CUL2: variants seen among roughly 807,000 people sequenced by gnomAD.
CUL2 encodes cullin-2.
In CUL2, 22 loss-of-function variants were observed where a neutral mutation model predicts 110.2. The ratio of observed to expected loss-of-function variants is 0.20; its 90% CI spans 0.14 to 0.28. CUL2 has a LOEUF of 0.28. Among genes scored for constraint, CUL2 ranks in the 10% least tolerant of loss-of-function variants. The pLI is 1.00. For missense variants in CUL2, 631 were observed against 905.5 expected (o/e 0.70, Z 3.89); for synonymous variants, 279 against 293.2 (o/e 0.95, Z 0.49).
chr10:35,077,625 C>T (rs2086851766), intron 1 of CUL2, among the ~76,000 whole-genome samples: 1 of 151,878 alleles, frequency 6.6e-6, no homozygotes, highest in Non-Finnish European at 1.5e-5. Context: ...CAAGACCAGC[C>T]TGACCAACAT....
At chr10:35,101,362 T>C (rs1487917556) in intron 1 of CUL2, among the ~76,000 whole-genome samples, 1 of 152,224 alleles carries the variant, frequency 6.6e-6, no homozygotes, top group Non-Finnish European at 1.5e-5. Flanking sequence ...GTAGAAAATG[T>C]GGAGACCACA....
intron 16 of CUL2, among the ~76,000 whole-genome samples, chr10:35,026,824 T>C (rs923105326): frequency 6.6e-6 from 1 of 152,050 alleles, no homozygotes; most frequent in South Asian, 2.1e-4. Context: ...TAAACTTATT[T>C]TATTTTTTTA....
intron 4 of CUL2, among the ~76,000 whole-genome samples, chr10:35,057,476 C>T (rs1165217295): frequency 6.6e-6 from 1 of 151,510 alleles, no homozygotes; most frequent in Non-Finnish European, 1.5e-5. Flanking sequence ...CATGGTGAAA[C>T]CCCGTCTCTA....
At chr10:35,087,751 G>A (rs188188825) in intron 1 of CUL2, among the ~76,000 whole-genome samples, 180 of 152,278 alleles carry the variant, frequency 1.2e-3, no homozygotes, top group African/African-American at 4.1e-3. Context: ...GTTTTCACTT[G>A]TACCTTAACC....
chr10:35,117,167 G>A (rs575615489), intron 1 of CUL2, among the ~76,000 whole-genome samples: 1 of 152,252 alleles, frequency 6.6e-6, no homozygotes, highest in South Asian at 2.1e-4. Flanking sequence ...GGAAGAGAAG[G>A]GCACTAGCTT....
intron 2 of CUL2, among the ~76,000 whole-genome samples, chr10:35,100,181 G>A (rs2087357958): frequency 6.6e-6 from 1 of 151,922 alleles, no homozygotes; most frequent in Non-Finnish European, 1.5e-5. Context: ...CTAAAAAAAG[G>A]TTAGCAACAT....
intron 2 of CUL2, 132 bp downstream of exon 2, chr10:35,071,067 T>A: frequency 2.4e-6 from 2 of 843,836 alleles, no homozygotes; most frequent in Non-Finnish European, 3.7e-6. Flanking sequence ...GGTGATGAAC[T>A]TGGAAATGTA....
chr10:35,026,983 C>A (rs971519156), intron 16 of CUL2, among the ~76,000 whole-genome samples: 1 of 151,862 alleles, frequency 6.6e-6, no homozygotes, highest in African/African-American at 2.4e-5. Context: ...ATCCCTCCCC[C>A]CTCCTCCCAG....
intron 1 of CUL2, among the ~76,000 whole-genome samples, chr10:35,111,989 G>A (rs759272841): frequency 7.9e-5 from 12 of 152,182 alleles, no homozygotes; most frequent in Non-Finnish European, 7.3e-5. Context: ...CTGCTCAACT[G>A]TACAAGGGTC....
At chr10:35,026,982 C>T (rs1463053898) in intron 16 of CUL2, among the ~76,000 whole-genome samples, 1 of 151,858 alleles carries the variant, frequency 6.6e-6, no homozygotes, top group African/African-American at 2.4e-5. Flanking sequence ...TATCCCTCCC[C>T]CCTCCTCCCA....
At chr10:35,125,084 T>C (rs1413658849) in intron 1 of CUL2, among the ~76,000 whole-genome samples, 1 of 152,238 alleles carries the variant, frequency 6.6e-6, no homozygotes, top group Non-Finnish European at 1.5e-5. Context: ...ACTATTTTTC[T>C]TCCCATTTAA....
intron 2 of CUL2, among the ~76,000 whole-genome samples, chr10:35,099,156 G>T (rs972415099): frequency 5.3e-5 from 8 of 151,850 alleles, no homozygotes; most frequent in Admixed American, 1.3e-4. Flanking sequence ...ACTTTGGGAG[G>T]CCGAGGAGGG....
chr10:35,021,865 G>GGTGGGGTGAGA (rs2085205767), intron 17 of CUL2, among the ~76,000 whole-genome samples: 1 of 119,352 alleles, frequency 8.4e-6, no homozygotes, highest in Non-Finnish European at 1.8e-5. Context: ...GTGAGGTGGG[G>GGTGGGGTGAGA]TGGGGTGAGG....
intron 10 of CUL2, among the ~76,000 whole-genome samples, chr10:35,034,861 G>A (rs972700576): frequency 2.0e-5 from 3 of 152,108 alleles, no homozygotes; most frequent in African/African-American, 7.2e-5. Flanking sequence ...AACAAACTAC[G>A]TTATCAATGC....
At chr10:35,014,891 T>C (rs1226571780) in intron 18 of CUL2, among the ~76,000 whole-genome samples, 1 of 152,166 alleles carries the variant, frequency 6.6e-6, no homozygotes. Flanking sequence ...ATGTTTACTT[T>C]GTCAATTTCT....
intron 1 of CUL2, among the ~76,000 whole-genome samples, chr10:35,108,331 C>T (rs924143924): frequency 6.6e-6 from 1 of 151,344 alleles, no homozygotes; most frequent in Non-Finnish European, 1.5e-5. Context: ...GTGGTGTGTG[C>T]CTGTAGTCCC....
At chr10:35,013,843 T>G (rs2084963192) in intron 18 of CUL2, 43 bp from the exon 19 acceptor site, 1 of 1,275,926 alleles carries the variant, frequency 7.8e-7, no homozygotes, top group African/African-American at 1.5e-5. Context: ...AAAACCAAAA[T>G]CTTTAAATAA....
rs1289814016 is a variant in CUL2 at position 35,049,663 on chromosome 10, A to C, written c.506+20T>G. ...ACAACAAAATAAAATTGACTCAGTAAGATAAATGTCAGCACTCACTTTTTG... is the reference window on the plus strand; with the variant it reads ...ACAACAAAATAAAATTGACTCAGTACGATAAATGTCAGCACTCACTTTTTG... On this transcript the variant is annotated intron_variant, in intron 6 of 20. Transcript: ENST00000374749. The C allele has an allele frequency of 6.3e-7, 1 of 1,593,454 alleles. No homozygotes were observed. The highest frequency in any genetic ancestry group is 1.7e-5 in the Admixed American group (1 of 59,522).
intron 1 of CUL2, among the ~76,000 whole-genome samples, chr10:35,104,220 G>C (rs1234922220): frequency 6.6e-6 from 1 of 152,226 alleles, no homozygotes; most frequent in Non-Finnish European, 1.5e-5. Context: ...GCCGAGGAAG[G>C]TGGATTGCTT....
Sources: allele counts gnomAD v4.1 joint callset (sites outside exome capture counted in the v4.1 genomes callset), GRCh38; gene constraint gnomAD v4.1.1; transcripts MANE v1.5; gene names NCBI Gene and HGNC (gene_info 2026-07-23, HGNC 2026-07-21).